GPC5: variants seen among roughly 807,000 people sequenced by gnomAD.
The protein encoded by GPC5 is glypican 5.
GPC5 carries 47 observed loss-of-function variants against 53.9 expected under a neutral mutation model. The observed-to-expected ratio is 0.87, with a 90% confidence interval of 0.69 to 1.11. The LOEUF (loss-of-function observed/expected upper bound fraction) is 1.11. Ranked by LOEUF, GPC5 falls within the 50% of genes most tolerant of loss-of-function variation. The probability of loss-of-function intolerance (pLI) is 0.00; values close to 1 mark genes in which losing one functional copy is unlikely to be tolerated. For synonymous variants in GPC5, 286 were observed against 263.3 expected, an observed-to-expected ratio of 1.09 and a Z score of -0.84; for missense variants, 748 against 713.1, an observed-to-expected ratio of 1.05 and a Z score of -0.56.
At chr13:92,416,292 A>G (rs1876287023) in intron 7 of GPC5, among the ~76,000 whole-genome samples, 1 of 152,200 alleles carries the variant, frequency 6.6e-6, no homozygotes, top group Admixed American at 6.5e-5. Flanking sequence ...CAATGTTTGA[A>G]GAAAGAAGGG....
chr13:92,649,832 A>G (rs1295342324), intron 7 of GPC5, among the ~76,000 whole-genome samples: 1 of 152,104 alleles, frequency 6.6e-6, no homozygotes, highest in East Asian at 1.9e-4. Context: ...AATTTCCTTA[A>G]CCTTTGAAAC....
chr13:91,767,642 G>A (rs1399731092), intron 5 of GPC5, among the ~76,000 whole-genome samples: 1 of 152,156 alleles, frequency 6.6e-6, no homozygotes, highest in Non-Finnish European at 1.5e-5. Flanking sequence ...AGGAAAAAAT[G>A]AGGTTAAACA....
At chr13:92,474,912 G>A (rs561227905) in intron 7 of GPC5, among the ~76,000 whole-genome samples, 8 of 152,018 alleles carry the variant, frequency 5.3e-5, no homozygotes, top group East Asian at 3.9e-4. Context: ...ACTAATATAC[G>A]GTGATTACAG....
chr13:92,706,128 A>G (rs1887943114), intron 7 of GPC5: 1 of 152,068 alleles, frequency 6.6e-6, no homozygotes, highest in Non-Finnish European at 1.5e-5. Context: ...AAATATTAAT[A>G]TAATAAATAA....
chr13:92,512,212 T>A (rs1880592966), intron 7 of GPC5, among the ~76,000 whole-genome samples: 1 of 149,660 alleles, frequency 6.7e-6, no homozygotes, highest in Admixed American at 6.8e-5. Context: ...TCCTAGTAAT[T>A]TTTTTTTATT....
rs181822413 is a variant in GPC5 at position 91,936,143 on chromosome 13, A to G, written c.1401+28086A>G. Among the ~76,000 whole-genome samples the G allele has an allele frequency of 4.3e-4, 66 of 152,188 alleles. 1 individual carries two copies. The highest frequency in any genetic ancestry group is 1.5e-3 in the African/African-American group (62 of 41,554). On this transcript the variant is annotated intron_variant, in intron 6 of 7. Transcript: ENST00000377067. ...TAGGATAAGCAAACTGTTATAAAAG[A>G]TGATGCTCAAGTCTCTCTGTCTTGC...
At chr13:92,536,369 A>G (rs1362580506) in intron 7 of GPC5, among the ~76,000 whole-genome samples, 3 of 152,162 alleles carry the variant, frequency 2.0e-5, no homozygotes, top group Non-Finnish European at 4.4e-5. Flanking sequence ...TAATTCCATT[A>G]CTAATAAAAG....
intron 7 of GPC5, among the ~76,000 whole-genome samples, chr13:92,697,847 C>G (rs182867483): frequency 1.3e-3 from 194 of 152,190 alleles, no homozygotes; most frequent in African/African-American, 4.3e-3. Flanking sequence ...ATAAATAGCT[C>G]TTATTATTTT....
intron 5 of GPC5, among the ~76,000 whole-genome samples, chr13:91,785,125 C>T (rs2037858643): frequency 6.6e-6 from 1 of 152,196 alleles, no homozygotes; most frequent in South Asian, 2.1e-4. Flanking sequence ...GTTAATTTCT[C>T]CCCTTCTCTC....
chr13:92,492,485 AG>A (rs1879805330), intron 7 of GPC5, among the ~76,000 whole-genome samples: 1 of 152,080 alleles, frequency 6.6e-6, no homozygotes, highest in African/African-American at 2.4e-5. Context: ...TAGAACTTAA[AG>A]TATAATAAAA....
Position 91,931,622 on chromosome 13 carries a change from G to A in GPC5, c.1401+23565G>A, listed in dbSNP as rs540819757. Among the ~76,000 whole-genome samples, 25 of 152,030 alleles carry A rather than the reference G, an allele frequency of 1.6e-4. No individual in the cohort carries two copies. The South Asian group carries it at 5.0e-3, about 30-fold the overall frequency. ...TGGCTCAACCAAACCAAAGTTTGTTGGCTGCTCACATAAAGTTGAATGTCA... is the reference window on the plus strand; with the variant it reads ...TGGCTCAACCAAACCAAAGTTTGTTAGCTGCTCACATAAAGTTGAATGTCA... On this transcript the variant is annotated intron_variant, in intron 6 of 7. Transcript: ENST00000377067.
chr13:92,561,567 T>G (rs1025758868), intron 7 of GPC5, among the ~76,000 whole-genome samples: 4 of 152,068 alleles, frequency 2.6e-5, no homozygotes, highest in African/African-American at 9.7e-5. Context: ...CAAATGTCAT[T>G]TATTCATTTC....
intron 7 of GPC5, among the ~76,000 whole-genome samples, chr13:92,581,878 C>T (rs1288883126): frequency 6.6e-6 from 1 of 152,076 alleles, no homozygotes; most frequent in Non-Finnish European, 1.5e-5. Flanking sequence ...AACGTCTATT[C>T]ATATCTTTTG....
At chr13:92,311,361 A>G (rs1159403827) in intron 7 of GPC5, among the ~76,000 whole-genome samples, 1 of 152,164 alleles carries the variant, frequency 6.6e-6, no homozygotes, top group Non-Finnish European at 1.5e-5. Flanking sequence ...ATCTTCTGCT[A>G]GAGGAATTAG....
intron 5 of GPC5, among the ~76,000 whole-genome samples, chr13:91,807,597 G>C (rs1313385472): frequency 6.6e-6 from 1 of 152,120 alleles, no homozygotes; most frequent in Non-Finnish European, 1.5e-5. Context: ...TTCTCCTTGT[G>C]TTTGTTTTCT....
At chr13:92,532,103 C>T (rs1881584996) in intron 7 of GPC5, among the ~76,000 whole-genome samples, 1 of 152,142 alleles carries the variant, frequency 6.6e-6, no homozygotes, top group South Asian at 2.1e-4. Context: ...AAAAATCTAT[C>T]ACTGACTTCC....
chr13:92,373,981 T>C (rs1206395661), intron 7 of GPC5, among the ~76,000 whole-genome samples: 1 of 152,210 alleles, frequency 6.6e-6, no homozygotes, highest in Non-Finnish European at 1.5e-5. Flanking sequence ...CTTGGAATTA[T>C]TCAATAATTC....
intron 1 of GPC5, among the ~76,000 whole-genome samples, chr13:91,440,886 G>A (rs1027298885): frequency 6.6e-6 from 1 of 152,182 alleles, no homozygotes; most frequent in Non-Finnish European, 1.5e-5. Context: ...TGGTTCAGGG[G>A]TCAGCCAGAG....
chr13:92,819,809 A>G (rs1463804696), intron 7 of GPC5, among the ~76,000 whole-genome samples: 2 of 152,170 alleles, frequency 1.3e-5, no homozygotes, highest in Non-Finnish European at 2.9e-5. Flanking sequence ...TTTCAAAACT[A>G]TGCTTAAATT....
Sources: allele counts gnomAD v4.1 joint callset (sites outside exome capture counted in the v4.1 genomes callset), GRCh38; gene constraint gnomAD v4.1.1; transcripts MANE v1.5; gene names NCBI Gene and HGNC (gene_info 2026-07-23, HGNC 2026-07-21).